ST7: variants seen among roughly 807,000 people sequenced by gnomAD.
ST7 encodes suppressor of tumorigenicity 7 protein.
In ST7, 28 loss-of-function variants were observed where a neutral mutation model predicts 78.7. The ratio of observed to expected loss-of-function variants is 0.36; its 90% CI spans 0.26 to 0.49. The LOEUF (loss-of-function observed/expected upper bound fraction) is 0.49, where lower values mean the gene tolerates loss of function less well. Ranked by LOEUF, ST7 falls within the 20% of genes least tolerant of loss-of-function variation. The probability of loss-of-function intolerance (pLI) is 0.99; values close to 1 mark genes in which losing one functional copy is unlikely to be tolerated. For missense variants in ST7, 418 were observed against 696.0 expected, an observed-to-expected ratio of 0.60 and a Z score of 4.49; for synonymous variants, 247 against 249.6, an observed-to-expected ratio of 0.99 and a Z score of 0.10.
At chr7:117,139,820 G>A (rs111990386) in intron 9 of ST7, among the ~76,000 whole-genome samples, 30 of 152,258 alleles carry the variant, frequency 2.0e-4, no homozygotes, top group African/African-American at 6.5e-4. Flanking sequence ...GATTTCTGCC[G>A]AGATATGAAC....
intron 1 of ST7, among the ~76,000 whole-genome samples, chr7:116,957,950 G>T (rs1226501032): frequency 6.6e-6 from 1 of 152,108 alleles, no homozygotes; most frequent in Non-Finnish European, 1.5e-5. Flanking sequence ...ATTCCTTTTG[G>T]AAAACAAATG....
chr7:117,146,227 C>A (rs2117124391), intron 9 of ST7: 1 of 152,288 alleles, frequency 6.6e-6, no homozygotes, highest in East Asian at 1.9e-4. Context: ...TTCTACAGTG[C>A]CATCGCACTG....
At chr7:117,156,766 T>A (rs1390047437) in intron 9 of ST7, among the ~76,000 whole-genome samples, 2 of 151,512 alleles carry the variant, frequency 1.3e-5, no homozygotes, top group African/African-American at 4.9e-5. Flanking sequence ...GAAATGAGAG[T>A]GGCCCAAGAA....
intron 2 of ST7, among the ~76,000 whole-genome samples, chr7:117,104,221 A>C (rs1726392535): frequency 6.6e-6 from 1 of 152,208 alleles, no homozygotes; most frequent in South Asian, 2.1e-4. Flanking sequence ...CAGGAGGATC[A>C]CATGAGGCCA....
chr7:117,016,737 G>T (rs1378883059), intron 1 of ST7, among the ~76,000 whole-genome samples: 1 of 152,166 alleles, frequency 6.6e-6, no homozygotes. Context: ...CCTGTCTGAT[G>T]TGGTGAGAAG....
chr7:117,149,589 TACC>T (rs1806082220), intron 9 of ST7, among the ~76,000 whole-genome samples: 1 of 138,296 alleles, frequency 7.2e-6, no homozygotes, highest in South Asian at 2.2e-4. Context: ...GTCCGTGTCC[TACC>T]TTTTTTTTTT....
chr7:117,155,267 T>G (rs923209700), intron 9 of ST7, among the ~76,000 whole-genome samples: 4 of 152,026 alleles, frequency 2.6e-5, no homozygotes, highest in Non-Finnish European at 2.9e-5. Context: ...GAAAGGAGGC[T>G]AAGGTGACTA....
At chr7:117,140,508 C>T (rs189049371) in intron 9 of ST7, among the ~76,000 whole-genome samples, 237 of 151,872 alleles carry the variant, frequency 1.6e-3, no homozygotes, top group Non-Finnish European at 2.8e-3. Flanking sequence ...ATTTTTTTTC[C>T]GATTTTTCTC....
chr7:117,177,819 C>T (rs1189492343), intron 10 of ST7, among the ~76,000 whole-genome samples: 1 of 152,102 alleles, frequency 6.6e-6, no homozygotes, highest in Non-Finnish European at 1.5e-5. Context: ...CTCATACTGC[C>T]TGGGATCAAC....
intron 9 of ST7, among the ~76,000 whole-genome samples, chr7:117,159,304 A>G (rs1249839923): frequency 6.6e-6 from 1 of 152,196 alleles, no homozygotes; most frequent in South Asian, 2.1e-4. Context: ...TGAACTGACA[A>G]TAGCCAGATG....
At chr7:117,199,666 T>C (rs193576) in intron 12 of ST7, among the ~76,000 whole-genome samples, 103,303 of 152,088 alleles carry the variant, frequency 0.68, 35,457 homozygotes, top group East Asian at 0.92. Context: ...CTAGCACTTA[T>C]TGAGCACTAA....
chr7:117,114,510 T>A (rs1450508105), intron 2 of ST7, among the ~76,000 whole-genome samples: 2 of 152,204 alleles, frequency 1.3e-5, no homozygotes, highest in Admixed American at 1.3e-4. Context: ...AAGTTTCGTA[T>A]TCCTTCTTCA....
intron 10 of ST7, among the ~76,000 whole-genome samples, chr7:117,188,902 T>C (rs555705214): frequency 6.6e-6 from 1 of 152,212 alleles, no homozygotes; most frequent in Non-Finnish European, 1.5e-5. Flanking sequence ...CTTCTTTTAA[T>C]CTAGATTTTT....
chr7:116,966,938 C>T (rs1249816513), intron 1 of ST7, among the ~76,000 whole-genome samples: 2 of 152,086 alleles, frequency 1.3e-5, no homozygotes, highest in African/African-American at 4.8e-5. Context: ...TTACTTACCA[C>T]AGGATGTAAC....
intron 1 of ST7, chr7:116,958,650 G>T: frequency 2.1e-6 from 1 of 471,200 alleles, no homozygotes; most frequent in South Asian, 1.5e-5. Flanking sequence ...TTACCTTGGA[G>T]ATATTGCAAG....
chr7:116,979,982 A>G (rs182916144), intron 1 of ST7, among the ~76,000 whole-genome samples: 549 of 3,848 alleles, frequency 0.14, 4 homozygotes, highest in Admixed American at 0.2. Flanking sequence ...TTTTGGAGAC[A>G]GAGTCTCACT....
chr7:117,055,396 G>A (rs566229672), intron 1 of ST7, among the ~76,000 whole-genome samples: 31 of 152,180 alleles, frequency 2.0e-4, no homozygotes, highest in African/African-American at 7.5e-4. Context: ...TAGAGACAGG[G>A]TTTCGCCTTG....
rs1393671194 is a variant in ST7, at chr7:117,210,548, G to A, written c.1405+611G>A. Among the ~76,000 whole-genome samples the A allele has an allele frequency of 2.6e-5, 4 of 152,172 alleles. No homozygotes were observed. In the East Asian group the frequency reaches 5.8e-4, roughly 22 times the overall value. ...GAGAATAGGCTGTAATGGTGGGGGA[G>A]ACATGCTCCCTGCATGTCGTCTAAT... On this transcript the variant is annotated intron_variant, in intron 13 of 15. Transcript: ENST00000323984.
intron 12 of ST7, among the ~76,000 whole-genome samples, chr7:117,201,060 A>G (rs144212237): frequency 0.022 from 3,313 of 152,268 alleles, 43 homozygotes; most frequent in Non-Finnish European, 0.032. Flanking sequence ...TTTTAATCCA[A>G]TTTAGGAAAC....
Sources: gnomAD v4.1 joint callset for allele counts (sites outside exome capture counted in the v4.1 genomes callset) on GRCh38, gnomAD v4.1.1 for gene constraint, MANE v1.5 for transcripts, NCBI Gene and HGNC (gene_info 2026-07-23, HGNC 2026-07-21) for gene names.